ZFAND3: variants seen among roughly 807,000 people sequenced by gnomAD.
ZFAND3 encodes the protein AN1-type zinc finger protein 3.
ZFAND3 carries 10 observed loss-of-function variants against 29.6 expected under a neutral mutation model. That is an observed-to-expected ratio of 0.34 (90% CI 0.21 to 0.57). ZFAND3 has a LOEUF of 0.57. Among genes scored for constraint, ZFAND3 ranks in the 20% least tolerant of loss-of-function variants. The pLI is 0.86. For missense variants in ZFAND3, 230 were observed against 304.5 expected (o/e 0.76, Z 1.82); for synonymous variants, 128 against 112.6 (o/e 1.14, Z -0.87).
At chr6:38,026,543 C>A (rs1210631039) in intron 2 of ZFAND3, among the ~76,000 whole-genome samples, 1 of 148,516 alleles carries the variant, frequency 6.7e-6, no homozygotes, top group Non-Finnish European at 1.5e-5. Context: ...GATTCTCGTG[C>A]CTCAGCCTCC....
intron 5 of ZFAND3, among the ~76,000 whole-genome samples, chr6:38,130,103 A>T (rs1562010535): frequency 6.6e-6 from 1 of 151,826 alleles, no homozygotes; most frequent in African/African-American, 2.4e-5. Context: ...TTTTGCACCT[A>T]TTGTAAAAGG....
rs1488651436 is a variant in ZFAND3, at chr6:38,119,866, G to A, written c.529+3127G>A. Among the ~76,000 whole-genome samples the A allele has an allele frequency of 2.0e-5, 3 of 152,210 alleles. No individual in the cohort carries two copies. In the East Asian group the frequency reaches 5.8e-4, roughly 29 times the overall value. On this transcript the variant is annotated intron_variant, in intron 5 of 5. Transcript: ENST00000287218. ...CTTCTTACATAGGGAACAGCTAGAG[G>A]TGATAGGAATTGTTAATTGCCAAGA...
intron 2 of ZFAND3, among the ~76,000 whole-genome samples, chr6:38,001,500 C>G (rs1204761785): frequency 6.6e-6 from 1 of 152,200 alleles, no homozygotes; most frequent in Non-Finnish European, 1.5e-5. Context: ...GATCTTTGCA[C>G]AGAGCAGAGC....
chr6:38,052,458 A>G (rs970303310), intron 2 of ZFAND3, among the ~76,000 whole-genome samples: 1 of 152,200 alleles, frequency 6.6e-6, no homozygotes, highest in Non-Finnish European at 1.5e-5. Flanking sequence ...AATTGTCTGT[A>G]AGAGAATTAA....
intron 1 of ZFAND3, among the ~76,000 whole-genome samples, chr6:37,871,601 C>G (rs1764696383): frequency 6.6e-6 from 1 of 152,082 alleles, no homozygotes; most frequent in Admixed American, 6.6e-5. Context: ...TTCTTGGTTT[C>G]TATAGCCATA....
intron 2 of ZFAND3, among the ~76,000 whole-genome samples, chr6:38,023,122 A>G (rs1045509880): frequency 3.9e-5 from 6 of 152,216 alleles, no homozygotes; most frequent in Admixed American, 6.5e-5. Context: ...CTTTCAATAC[A>G]CTCTAACCAT....
chr6:37,894,774 T>G (rs185923627), intron 1 of ZFAND3, among the ~76,000 whole-genome samples: 115 of 152,322 alleles, frequency 7.5e-4, no homozygotes, highest in African/African-American at 2.6e-3. Flanking sequence ...TTTTGCTGAG[T>G]ATAGAATTCT....
At chr6:38,050,542 A>C (rs1450103662) in intron 2 of ZFAND3, among the ~76,000 whole-genome samples, 1 of 152,104 alleles carries the variant, frequency 6.6e-6, no homozygotes, top group African/African-American at 2.4e-5. Flanking sequence ...TGGTTTTATA[A>C]GGAACTTTTC....
intron 5 of ZFAND3, among the ~76,000 whole-genome samples, chr6:38,123,309 T>C (rs1765569649): frequency 6.6e-6 from 1 of 152,196 alleles, no homozygotes; most frequent in Non-Finnish European, 1.5e-5. Flanking sequence ...GTTGGGGACA[T>C]GCATTACCAG....
At chr6:38,060,210 C>G (rs901663436) in intron 2 of ZFAND3, among the ~76,000 whole-genome samples, 1 of 152,066 alleles carries the variant, frequency 6.6e-6, no homozygotes, top group African/African-American at 2.4e-5. Flanking sequence ...TGAAACCAGT[C>G]CCCTGTGTAT....
chr6:38,048,228 C>G (rs1763945985), intron 2 of ZFAND3, among the ~76,000 whole-genome samples: 1 of 151,960 alleles, frequency 6.6e-6, no homozygotes, highest in African/African-American at 2.4e-5. Flanking sequence ...GTCTTGAACT[C>G]CTGAGCTCAA....
rs1022412915 is a variant in ZFAND3 at position 37,819,837 on chromosome 6, C to T, written c.-109C>T. On this transcript the variant is annotated 5_prime_UTR_variant, in exon 1 of 6. Transcript: ENST00000287218. The stretch of plus-strand genomic sequence containing the variant: ...GCCCGCGCGCCCGCTCCTTCCCCCT[C>T]CCCCCGCCCCGAGCCCCCCGACGCC... 1 of 423,766 alleles carries T rather than the reference C, an allele frequency of 2.4e-6. No homozygotes were observed. Among genetic ancestry groups the T allele is most frequent in the Non-Finnish European group, 3.4e-6 (1 of 294,684 alleles). The allele number at this position is 423,766 out of a possible 1,614,324, so 26.3% of individuals were successfully genotyped here. A position where few individuals can be genotyped will look rare whatever the true frequency, so the allele number is the denominator to read the frequency against.
chr6:38,121,352 G>A (rs1339523772), intron 5 of ZFAND3, among the ~76,000 whole-genome samples: 1 of 152,148 alleles, frequency 6.6e-6, no homozygotes, highest in Non-Finnish European at 1.5e-5. Context: ...ACTGCAGCAT[G>A]GGCAACAGAG....
intron 2 of ZFAND3, among the ~76,000 whole-genome samples, chr6:37,935,737 C>G (rs1467382402): frequency 2.0e-5 from 3 of 152,110 alleles, no homozygotes; most frequent in Admixed American, 6.6e-5. Flanking sequence ...AGGAGTATGG[C>G]TTTGGAAAAT....
intron 4 of ZFAND3, among the ~76,000 whole-genome samples, chr6:38,114,281 A>G (rs1765374903): frequency 6.6e-5 from 10 of 152,252 alleles, no homozygotes; most frequent in Admixed American, 6.5e-4. Context: ...CCCCGCCCGC[A>G]GAGAGCAGTG....
chr6:38,010,954 G>A (rs993460170), intron 2 of ZFAND3, among the ~76,000 whole-genome samples: 1 of 147,676 alleles, frequency 6.8e-6, no homozygotes, highest in Non-Finnish European at 1.5e-5. Context: ...GTGTTGCACA[G>A]CCTGGTCTTG....
intron 1 of ZFAND3, among the ~76,000 whole-genome samples, chr6:37,874,816 C>T (rs974503551): frequency 1.3e-5 from 2 of 152,116 alleles, no homozygotes; most frequent in Non-Finnish European, 2.9e-5. Context: ...CTCAAGCAGT[C>T]CTCTCGCCTC....
At chr6:38,100,611 A>G (rs1393333893) in intron 4 of ZFAND3, among the ~76,000 whole-genome samples, 4 of 152,170 alleles carry the variant, frequency 2.6e-5, no homozygotes, top group Admixed American at 1.3e-4. Flanking sequence ...CCAGCTACAA[A>G]CATGTTGTCA....
chr6:37,990,786 A>C (rs186885271), intron 2 of ZFAND3, among the ~76,000 whole-genome samples: 2 of 152,234 alleles, frequency 1.3e-5, no homozygotes, highest in African/African-American at 4.8e-5. Flanking sequence ...TAATAGCCAC[A>C]TGTGGCCAAT....
Sources: allele counts gnomAD v4.1 joint callset (sites outside exome capture counted in the v4.1 genomes callset), GRCh38; gene constraint gnomAD v4.1.1; transcripts MANE v1.5; gene names NCBI Gene and HGNC (gene_info 2026-07-23, HGNC 2026-07-21).